MCMBP: variants seen among roughly 807,000 people sequenced by gnomAD.
MCMBP encodes the protein mini-chromosome maintenance complex-binding protein.
Under a neutral mutation model 81.3 loss-of-function variants are expected in MCMBP, and 31 were observed. The observed-to-expected ratio is 0.38, with a 90% confidence interval of 0.29 to 0.51. MCMBP has a LOEUF of 0.51. Among genes scored for constraint, MCMBP ranks in the 20% least tolerant of loss-of-function variants. The pLI, the probability that MCMBP is intolerant of heterozygous loss-of-function variation, is 0.87. For missense variants in MCMBP, 645 were observed against 772.1 expected (o/e 0.84, Z 1.95); for synonymous variants, 267 against 275.9 (o/e 0.97, Z 0.32).
chr10:119,837,074 C>T (rs774849535), intron 12 of MCMBP, 45 bp from the exon 13 acceptor site: 3 of 1,592,458 alleles, frequency 1.9e-6, no homozygotes, highest in Non-Finnish European at 2.6e-6. Context: ...CTTTAATCAT[C>T]TAAACACATC....
At chr10:119,867,616 G>A (rs1853518622) in intron 1 of MCMBP, among the ~76,000 whole-genome samples, 1 of 152,142 alleles carries the variant, frequency 6.6e-6, no homozygotes, top group African/African-American at 2.4e-5. Context: ...AAATAAAGAT[G>A]CTAGCTAGCG....
rs188842591 is a variant in MCMBP at position 119,870,434 on chromosome 10, G to A, written c.58+2093C>T. 1.5e-4 allele frequency among the ~76,000 whole-genome samples: 22 copies of A among 150,620 alleles called. No individual in the cohort carries two copies. The East Asian group carries it at 2.4e-3, about 16-fold the overall frequency. On this transcript the variant is annotated intron_variant, in intron 1 of 15. Coordinates refer to ENST00000369077, the MANE Select transcript of MCMBP (RefSeq NM_001256378.2). Reference sequence around the variant, plus strand: ...TGCACTCCAGCCTGGGTGACAGTGCGAGACTGTCTCAAAAAAAAAAAATGC... The same window carrying A: ...TGCACTCCAGCCTGGGTGACAGTGCAAGACTGTCTCAAAAAAAAAAAATGC...
chr10:119,838,740 TC>T, intron 11 of MCMBP, 40 bp from the exon 12 acceptor site: 1 of 1,545,594 alleles, frequency 6.5e-7, no homozygotes, highest in South Asian at 1.2e-5. Context: ...AATTTAAGTT[TC>T]CCTGTTTTAA....
intron 6 of MCMBP, among the ~76,000 whole-genome samples, chr10:119,850,238 C>T (rs1194801868): frequency 6.6e-6 from 1 of 152,102 alleles, no homozygotes; most frequent in Non-Finnish European, 1.5e-5. Context: ...AGACAATCCC[C>T]AAAGTTTATG....
chr10:119,843,462 C>T, intron 8 of MCMBP, 36 bp from the exon 9 acceptor site: 14 of 1,591,668 alleles, frequency 8.8e-6, no homozygotes, highest in Non-Finnish European at 1.2e-5. Flanking sequence ...TTTAGAGAGA[C>T]ATCAATTGCA....
chr10:119,872,492 G>GGC, intron 1 of MCMBP, 35 bp downstream of exon 1: 5 of 1,156,802 alleles, frequency 4.3e-6, no homozygotes, highest in South Asian at 4.1e-5. Context: ...AAACTCGGCT[G>GGC]CCCGCCCGGC....
chr10:119,846,195 T>G (rs1359056446), intron 8 of MCMBP, among the ~76,000 whole-genome samples: 13 of 152,118 alleles, frequency 8.5e-5, no homozygotes, highest in African/African-American at 2.7e-4. Flanking sequence ...TAACATCATC[T>G]CAAAAAAAGG....
upstream of MCMBP, among the ~76,000 whole-genome samples, chr10:119,873,062 TGTC>T (rs1853770430): frequency 1.3e-5 from 2 of 151,836 alleles, no homozygotes; most frequent in South Asian, 4.1e-4. Flanking sequence ...GGCGGCGCGT[TGTC>T]GTTTGTACCC....
At position 119,858,883 on chromosome 10, in the gene MCMBP, C is replaced by A; in HGVS notation, c.327+1G>T. 1 of 1,605,312 alleles carries A rather than the reference C, an allele frequency of 6.2e-7. No homozygotes were observed. Among genetic ancestry groups the A allele is most frequent in the Non-Finnish European group, 8.5e-7 (1 of 1,173,956 alleles). On this transcript the variant is annotated splice_donor_variant, in intron 4 of 15. Coordinates refer to ENST00000369077, the MANE Select transcript of MCMBP (RefSeq NM_001256378.2). LOFTEE classifies it high-confidence loss of function. ...GTTTCATATATATTAAAGATACATA[C>A]CCCACACTCTGCTACATCTCTATAT...
rs530268184 is a variant in MCMBP at position 119,872,619 on chromosome 10, G to A, written c.-35C>T. 4.4e-6 allele frequency: 5 copies of A among 1,143,388 alleles called. No homozygotes were observed. The highest frequency in any genetic ancestry group is 3.2e-6 in the Non-Finnish European group (3 of 923,330). The allele number at this position is 1,143,388 out of a possible 1,614,324, so 70.8% of individuals were successfully genotyped here. ...GGCCGGGGCCGGCGAAGACCGGGCG[G>A]AGGCGATCCGCGGGCCGAGCGCGGC... is the stretch of plus-strand genomic sequence containing the variant. On this transcript the variant is annotated 5_prime_UTR_variant, in exon 1 of 16. Coordinates refer to ENST00000369077, the MANE Select transcript of MCMBP (RefSeq NM_001256378.2).
chr10:119,866,252 T>A (rs1430948516), intron 1 of MCMBP, among the ~76,000 whole-genome samples: 1 of 151,958 alleles, frequency 6.6e-6, no homozygotes, highest in African/African-American at 2.4e-5. Flanking sequence ...TGGGCAGAAG[T>A]ATAGTTGTTG....
At chr10:119,842,734 G>T in intron 9 of MCMBP, 139 bp from the exon 10 acceptor site, 1 of 884,926 alleles carries the variant, frequency 1.1e-6, no homozygotes, top group Non-Finnish European at 1.6e-6. Flanking sequence ...AGTAAGTGAT[G>T]CTAATCTTAA....
Position 119,829,514 on chromosome 10 carries a change from C to T in MCMBP, c.*1960G>A, listed in dbSNP as rs1037513532. 2 of 152,244 alleles carry T rather than the reference C, an allele frequency of 1.3e-5. No individual in the cohort carries two copies. Among genetic ancestry groups the T allele is most frequent in the African/African-American group, 4.8e-5 (2 of 41,458 alleles). The allele number at this position is 152,244 out of a possible 1,614,324, so 9.4% of individuals were successfully genotyped here. On this transcript the variant is annotated 3_prime_UTR_variant, in exon 16 of 16. Transcript: ENST00000369077. ...AAACAGGGTTACACAGGAGTCTACT[C>T]AGTTTCCTGGCCATACAGGATTAAC... is the stretch of plus-strand genomic sequence containing the variant.
chr10:119,872,494 C>A, intron 1 of MCMBP, 33 bp downstream of exon 1: 1 of 1,162,270 alleles, frequency 8.6e-7, no homozygotes, highest in Non-Finnish European at 1.1e-6. Flanking sequence ...ACTCGGCTGC[C>A]CGCCCGGCCC....
chr10:119,852,152 C>CAAAAAAA (rs34142128), intron 6 of MCMBP, among the ~76,000 whole-genome samples: 2 of 53,094 alleles, frequency 3.8e-5, no homozygotes, highest in East Asian at 9.1e-4. Context: ...AACTCTGTCT[C>CAAAAAAA]AAAAAAAAAA....
chr10:119,838,787 T>A, intron 11 of MCMBP, 87 bp from the exon 12 acceptor site: 1 of 1,231,558 alleles, frequency 8.1e-7, no homozygotes, highest in Non-Finnish European at 1.1e-6. Context: ...TTGTGTTTCA[T>A]ATGGAAAAAG....
chr10:119,834,429 A>G (rs1852161984), intron 14 of MCMBP, among the ~76,000 whole-genome samples: 1 of 152,194 alleles, frequency 6.6e-6, no homozygotes, highest in South Asian at 2.1e-4. Context: ...GGGAGGACAT[A>G]TTCGAAATGA....
rs1851950842 is a variant in MCMBP at position 119,830,060 on chromosome 10, A to AAAC, written c.*1411_*1413dup. ...ATGAAAACCAGTTCAACTCTAATATAAACATTATTTACATTTGTTTATAAA... is the reference window on the plus strand; with the variant it reads ...ATGAAAACCAGTTCAACTCTAATATAAACAACATTATTTACATTTGTTTATAAA... On this transcript the variant is annotated 3_prime_UTR_variant, in exon 16 of 16. Coordinates refer to ENST00000369077, the MANE Select transcript of MCMBP (RefSeq NM_001256378.2). 6.6e-6 allele frequency: 1 copy of AAAC among 152,670 alleles called. No individual in the cohort carries two copies. The highest frequency in any genetic ancestry group is 1.5e-5 in the Non-Finnish European group (1 of 68,050). 9.5% of individuals were successfully genotyped at this position (152,670 alleles called of 1,614,324 possible).
chr10:119,857,253 A>G (rs1431620973), intron 5 of MCMBP, 85 bp downstream of exon 5: 7 of 984,120 alleles, frequency 7.1e-6, no homozygotes, highest in Non-Finnish European at 1.1e-5. Context: ...TATTAAAATA[A>G]AGCCAAGCTT....
Sources: allele counts gnomAD v4.1 joint callset (sites outside exome capture counted in the v4.1 genomes callset), GRCh38; gene constraint gnomAD v4.1.1; transcripts MANE v1.5; gene names NCBI Gene and HGNC (gene_info 2026-07-23, HGNC 2026-07-21).